SORCS2: variants seen among roughly 807,000 people sequenced by gnomAD.
SORCS2 encodes VPS10 domain-containing receptor SorCS2.
SORCS2 carries 100 observed loss-of-function variants against 141.6 expected under a neutral mutation model. That is an observed-to-expected ratio of 0.71 (90% CI 0.60 to 0.83). SORCS2 has a LOEUF of 0.83. Among genes scored for constraint, SORCS2 ranks in the 40% least tolerant of loss-of-function variants. The pLI, the probability that SORCS2 is intolerant of heterozygous loss-of-function variation, is 0.00. For synonymous variants in SORCS2, 789 were observed against 676.9 expected (o/e 1.17, Z -2.57); for missense variants, 1,646 against 1,560.2 (o/e 1.05, Z -0.93).
chr4:7,422,602 C>T (rs1726153359), intron 2 of SORCS2, among the ~76,000 whole-genome samples: 1 of 152,094 alleles, frequency 6.6e-6, no homozygotes, highest in African/African-American at 2.4e-5. Context: ...TGTGTGAGTG[C>T]TGGGCTAGGT....
chr4:7,457,766 T>C (rs915269203), intron 2 of SORCS2, among the ~76,000 whole-genome samples: 1 of 152,240 alleles, frequency 6.6e-6, no homozygotes, highest in Non-Finnish European at 1.5e-5. Context: ...GTTTTCCTTT[T>C]GTGTCTCTGC....
intron 3 of SORCS2, among the ~76,000 whole-genome samples, chr4:7,612,606 A>G (rs903976072): frequency 2.6e-5 from 4 of 152,214 alleles, no homozygotes; most frequent in African/African-American, 9.6e-5. Flanking sequence ...GGCCCCACGC[A>G]GTGACTCGGC....
intron 7 of SORCS2, among the ~76,000 whole-genome samples, chr4:7,665,875 G>A (rs895461025): frequency 9.2e-5 from 14 of 152,258 alleles, no homozygotes; most frequent in Admixed American, 4.6e-4. Flanking sequence ...TAAGACCCCC[G>A]GAGCTCACCT....
intron 1 of SORCS2, among the ~76,000 whole-genome samples, chr4:7,196,396 G>A (rs761960742): frequency 6.6e-6 from 1 of 152,158 alleles, no homozygotes; most frequent in African/African-American, 2.4e-5. Flanking sequence ...TGGGGAATGT[G>A]CTGTGCCCCG....
rs145514600 is a variant in SORCS2, at chr4:7,493,510, G to T, written c.549-38020G>T. Among the ~76,000 whole-genome samples the T allele has an allele frequency of 5.3e-5, 8 of 152,274 alleles. No individual in the cohort carries two copies. The East Asian group carries it at 1.5e-3, about 29-fold the overall frequency. On this transcript the variant is annotated intron_variant, in intron 2 of 26. Transcript: ENST00000507866. ...GTGGGTACATCTGAGTCGCAGTGTT[G>T]GATCTGTTGGTGGTCGTGGTTCAAC...
intron 5 of SORCS2, among the ~76,000 whole-genome samples, chr4:7,657,511 G>A (rs564629087): frequency 8.5e-5 from 13 of 152,176 alleles, no homozygotes; most frequent in African/African-American, 3.1e-4. Context: ...AAATGAATGA[G>A]TAAATAGCTG....
intron 2 of SORCS2, among the ~76,000 whole-genome samples, chr4:7,456,422 T>G (rs1472752278): frequency 6.6e-6 from 1 of 152,178 alleles, no homozygotes; most frequent in African/African-American, 2.4e-5. Context: ...AAGCTGCCCA[T>G]CCACCTTTAC....
At chr4:7,194,377 C>T (rs1339194360) in intron 1 of SORCS2, among the ~76,000 whole-genome samples, 1 of 152,200 alleles carries the variant, frequency 6.6e-6, no homozygotes, top group Non-Finnish European at 1.5e-5. Flanking sequence ...TACTCCCAGC[C>T]AGCTGTGATT....
chr4:7,650,376 C>T (rs769003613), intron 4 of SORCS2, among the ~76,000 whole-genome samples: 35 of 152,170 alleles, frequency 2.3e-4, no homozygotes, highest in African/African-American at 6.3e-4. Context: ...GTGCTGTGTG[C>T]GTGGCAAGTG....
At chr4:7,582,153 T>C (rs551710975) in intron 3 of SORCS2, among the ~76,000 whole-genome samples, 8 of 152,340 alleles carry the variant, frequency 5.3e-5, no homozygotes, top group African/African-American at 1.7e-4. Context: ...AATTCCAATA[T>C]GCAAAAGAAC....
chr4:7,322,831 G>T (rs924674562), intron 1 of SORCS2, among the ~76,000 whole-genome samples: 1 of 152,194 alleles, frequency 6.6e-6, no homozygotes, highest in Non-Finnish European at 1.5e-5. Flanking sequence ...AGTGCCCTCT[G>T]CAGAGATGAT....
chr4:7,345,290 A>C (rs921635834), intron 1 of SORCS2, among the ~76,000 whole-genome samples: 3 of 152,144 alleles, frequency 2.0e-5, no homozygotes, highest in African/African-American at 7.2e-5. Context: ...TACTCCTAAG[A>C]CCAATATTAA....
chr4:7,313,924 A>G (rs1215755116), intron 1 of SORCS2, among the ~76,000 whole-genome samples: 1 of 152,164 alleles, frequency 6.6e-6, no homozygotes, highest in Non-Finnish European at 1.5e-5. Flanking sequence ...GAGTGGTGGC[A>G]TCTTCATCTG....
intron 3 of SORCS2, among the ~76,000 whole-genome samples, chr4:7,532,065 G>A (rs1327970242): frequency 6.6e-6 from 1 of 152,202 alleles, no homozygotes; most frequent in East Asian, 1.9e-4. Flanking sequence ...AGCTCTCCTT[G>A]CTGTTTCCTG....
At chr4:7,481,547 C>T (rs989194957) in intron 2 of SORCS2, among the ~76,000 whole-genome samples, 12 of 152,058 alleles carry the variant, frequency 7.9e-5, no homozygotes, top group African/African-American at 2.7e-4. Flanking sequence ...TCGGGGGAGC[C>T]GAGAGGGATG....
At chr4:7,602,124 C>T (rs1028801305) in intron 3 of SORCS2, among the ~76,000 whole-genome samples, 2 of 152,258 alleles carry the variant, frequency 1.3e-5, no homozygotes, top group African/African-American at 4.8e-5. Context: ...CACACTTCCC[C>T]CACTTCCACT....
intron 5 of SORCS2, among the ~76,000 whole-genome samples, chr4:7,657,268 G>C (rs1294682670): frequency 3.3e-5 from 5 of 152,246 alleles, no homozygotes; most frequent in African/African-American, 1.2e-4. Context: ...GGAAATGAAT[G>C]AGTAAATGGC....
At chr4:7,308,791 C>T (rs1184127985) in intron 1 of SORCS2, among the ~76,000 whole-genome samples, 1 of 152,066 alleles carries the variant, frequency 6.6e-6, no homozygotes, top group East Asian at 1.9e-4. Context: ...CTCTCTAGCA[C>T]CCTGTCTTCT....
intron 3 of SORCS2, among the ~76,000 whole-genome samples, chr4:7,629,062 C>G (rs1350786392): frequency 3.9e-5 from 6 of 151,974 alleles, no homozygotes; most frequent in African/African-American, 1.5e-4. Flanking sequence ...ATCTGGAGTT[C>G]CCTTCCCTCG....
Sources: allele counts gnomAD v4.1 joint callset (sites outside exome capture counted in the v4.1 genomes callset), GRCh38; gene constraint gnomAD v4.1.1; transcripts MANE v1.5; gene names NCBI Gene and HGNC (gene_info 2026-07-23, HGNC 2026-07-21).